The following DAPK1 variants were observed in gnomAD, a reference collection of about 807,000 sequenced individuals.
DAPK1 encodes the protein death associated protein kinase 1.
DAPK1 carries 56 observed loss-of-function variants against 144.9 expected under a neutral mutation model. That is an observed-to-expected ratio of 0.39 (90% confidence interval 0.31 to 0.48). DAPK1 has a LOEUF of 0.48. Ranked by LOEUF, DAPK1 falls within the 20% of genes least tolerant of loss-of-function variation. The probability of loss-of-function intolerance (pLI) is 0.95; values close to 1 mark genes in which losing one functional copy is unlikely to be tolerated. For synonymous variants in DAPK1, 690 were observed against 749.0 expected (o/e 0.92, Z 1.29); for missense variants, 1,454 against 1,875.4 (o/e 0.78, Z 4.15).
In DAPK1 at chr9:87,707,029, C is replaced by T. The variant is rs757390169; in HGVS notation, c.3958C>T (p.Pro1320Ser). Residue 1320 changes from proline to serine, a missense_variant, in exon 26 of 26, where the codon CCC becomes TCC. Coordinates refer to ENST00000408954, the MANE Select transcript of DAPK1 (RefSeq NM_004938.4). The surrounding 1 kb of genome is among the most constrained non-coding windows in gnomAD (Gnocchi z 4.0). ...GAAACTGAGTCGCCTGCTGGACCCGCCCGACCCCCTGGGGAAGGACTGGTG... is the reference window on the plus strand; with the variant it reads ...GAAACTGAGTCGCCTGCTGGACCCGTCCGACCCCCTGGGGAAGGACTGGTG... ...RRKLSRLLDP[P>S]DPLGKDWCLL... The T allele has an allele frequency of 5.0e-6, 8 of 1,613,592 alleles. No homozygotes were observed. Among genetic ancestry groups the T allele is most frequent in the Non-Finnish European group, 6.8e-6 (8 of 1,179,906 alleles).
At chr9:87,677,682 G>A (rs1824446002) in intron 19 of DAPK1, among the ~76,000 whole-genome samples, 2 of 152,180 alleles carry the variant, frequency 1.3e-5, no homozygotes, top group South Asian at 4.1e-4. Flanking sequence ...TGCGTTCAGG[G>A]AATAGATGGG....
chr9:87,556,325 AG>A (rs1826713415), intron 2 of DAPK1, among the ~76,000 whole-genome samples: 1 of 152,232 alleles, frequency 6.6e-6, no homozygotes, highest in Non-Finnish European at 1.5e-5. Context: ...CAGAGAGGCA[AG>A]GTACTTTGCC....
At chr9:87,617,710 C>T (rs1044457331) in intron 3 of DAPK1, among the ~76,000 whole-genome samples, 3 of 152,222 alleles carry the variant, frequency 2.0e-5, no homozygotes, top group African/African-American at 7.2e-5. Flanking sequence ...AGATGTGTCT[C>T]TAGGTCTCTC....
At chr9:87,594,896 T>C (rs1828262977) in intron 2 of DAPK1, among the ~76,000 whole-genome samples, 1 of 152,300 alleles carries the variant, frequency 6.6e-6, no homozygotes, top group South Asian at 2.1e-4. Flanking sequence ...CCTGAGTCAG[T>C]TGGTCCACAC....
intron 2 of DAPK1, among the ~76,000 whole-genome samples, chr9:87,603,897 A>G (rs1828616216): frequency 6.6e-6 from 1 of 152,196 alleles, no homozygotes; most frequent in Non-Finnish European, 1.5e-5. Context: ...ATATATGGGA[A>G]AGGGAATCTG....
rs746614936 is a variant in DAPK1 at position 87,639,359 on chromosome 9, G to A, written c.429G>A (p.Glu143=). 9 of 1,603,436 alleles carry A rather than the reference G, an allele frequency of 5.6e-6. No homozygotes were observed. Among genetic ancestry groups the A allele is most frequent in the Non-Finnish European group, 7.6e-6 (9 of 1,177,250 alleles). ...LQIAHFDLKP[E]NIMLLDRNVP... is the part of the protein sequence containing the mutation. ...ATCTCTCTCTTTTTTTCAAGCCTGA[G>A]AACATAATGCTTTTGGATAGAAATG... The change falls in exon 5 of 26, where the codon GAG becomes GAA. Residue 143 remains glutamate (E), a synonymous_variant. Coordinates refer to ENST00000408954, the MANE Select transcript of DAPK1 (RefSeq NM_004938.4).
chr9:87,638,566 G>A lies in DAPK1; in HGVS notation c.423+485G>A, dbSNP rs113695362. 1.8e-4 allele frequency among the ~76,000 whole-genome samples: 27 copies of A among 152,330 alleles called. 1 individual carries two copies. The highest frequency in any genetic ancestry group is 6.0e-4 in the African/African-American group (25 of 41,568). ...TTGGAGATGAAAGGGCATGTAAGCCGTCCTCCCAGCCATGACAGAGGTGTG... is the reference window on the plus strand; with the variant it reads ...TTGGAGATGAAAGGGCATGTAAGCCATCCTCCCAGCCATGACAGAGGTGTG... On this transcript the variant is annotated intron_variant, in intron 4 of 25. Transcript: ENST00000408954.
intron 2 of DAPK1, among the ~76,000 whole-genome samples, chr9:87,523,465 T>G (rs1185984434): frequency 1.3e-5 from 2 of 152,112 alleles, no homozygotes; most frequent in Non-Finnish European, 2.9e-5. Flanking sequence ...CCCAACTGAT[T>G]TTTTAAAAAT....
At chr9:87,705,018 T>A (rs1244963585) in intron 25 of DAPK1, among the ~76,000 whole-genome samples, 1 of 151,972 alleles carries the variant, frequency 6.6e-6, no homozygotes, top group African/African-American at 2.4e-5. Flanking sequence ...TCATCTCTGG[T>A]CTCACTCCTC....
chr9:87,536,545 A>G (rs1323439539), intron 2 of DAPK1, among the ~76,000 whole-genome samples: 2 of 152,164 alleles, frequency 1.3e-5, no homozygotes, highest in Non-Finnish European at 2.9e-5. Context: ...GGGAATAATA[A>G]TTTTAACTTA....
chr9:87,525,333 C>G, intron 2 of DAPK1: 4 of 1,610,336 alleles, frequency 2.5e-6, no homozygotes, highest in Non-Finnish European at 2.5e-6. Flanking sequence ...TGGAGCCACC[C>G]GCGAAAATTC....
At chr9:87,676,807 C>T (rs1409852358) in intron 19 of DAPK1, among the ~76,000 whole-genome samples, 2 of 152,166 alleles carry the variant, frequency 1.3e-5, no homozygotes, top group African/African-American at 4.8e-5. Context: ...AGGGGCCCTC[C>T]TTGGATGGTC....
At chr9:87,702,227 C>T (rs7022007) in intron 24 of DAPK1, among the ~76,000 whole-genome samples, 13,108 of 152,114 alleles carry the variant, frequency 0.086, 1,613 homozygotes, top group African/African-American at 0.27. Flanking sequence ...GAGGGGAGTG[C>T]GGAATTAATG....
chr9:87,663,419 C>T (rs1351968563), intron 18 of DAPK1, among the ~76,000 whole-genome samples: 4 of 152,144 alleles, frequency 2.6e-5, no homozygotes, highest in Non-Finnish European at 2.9e-5. Flanking sequence ...CCTCCGCTCC[C>T]GCCCACTGTG....
chr9:87,565,634 T>C (rs1827094775), intron 2 of DAPK1, among the ~76,000 whole-genome samples: 2 of 152,226 alleles, frequency 1.3e-5, no homozygotes, highest in South Asian at 4.1e-4. Context: ...AGTAAAATGA[T>C]GAGGAACTCA....
intron 19 of DAPK1, among the ~76,000 whole-genome samples, chr9:87,677,871 C>A (rs148501008): frequency 6.6e-6 from 1 of 152,166 alleles, no homozygotes; most frequent in African/African-American, 2.4e-5. Context: ...GCTCCAGGGT[C>A]GGTGGCAGCG....
rs1825713991 is a variant in DAPK1 at position 87,708,463 on chromosome 9, C to A, written c.*1099C>A. 1 of 152,782 alleles carries A rather than the reference C, an allele frequency of 6.5e-6. No homozygotes were observed. Among genetic ancestry groups the A allele is most frequent in the Non-Finnish European group, 1.5e-5 (1 of 68,260 alleles). 9.5% of individuals were successfully genotyped at this position (152,782 alleles called of 1,614,324 possible). ...TGATAGGAGGGAACATGTCCTAATTCTTCTGTCCTGAGAAGCATGTAATGT... is the reference window on the plus strand; with the variant it reads ...TGATAGGAGGGAACATGTCCTAATTATTCTGTCCTGAGAAGCATGTAATGT... On this transcript the variant is annotated 3_prime_UTR_variant, in exon 26 of 26. Transcript: ENST00000408954.
At chr9:87,646,050 G>C in intron 12 of DAPK1, 36 bp downstream of exon 12, 1 of 1,600,870 alleles carries the variant, frequency 6.2e-7, no homozygotes, top group South Asian at 1.1e-5. Context: ...GGAGGGGTGG[G>C]TCACAGCGAC....
intron 3 of DAPK1, among the ~76,000 whole-genome samples, chr9:87,608,107 C>T (rs1828798245): frequency 6.6e-6 from 1 of 152,162 alleles, no homozygotes; most frequent in South Asian, 2.1e-4. Context: ...GGGGGAAGTT[C>T]ACCCCTATGA....
Sources: gnomAD v4.1 joint callset for allele counts (sites outside exome capture counted in the v4.1 genomes callset) on GRCh38, gnomAD v4.1.1 for gene constraint, Gnocchi (gnomAD v3.1) non-coding constraint, MANE v1.5 for transcripts, NCBI Gene and HGNC (gene_info 2026-07-23, HGNC 2026-07-21) for gene names.